KLHL4: variants seen among roughly 807,000 people sequenced by gnomAD.
The protein encoded by KLHL4 is kelch-like protein 4.
Under a neutral mutation model 45.8 loss-of-function variants are expected in KLHL4, and 17 were observed. The ratio of observed to expected loss-of-function variants is 0.37; its 90% CI spans 0.25 to 0.56. KLHL4 has a LOEUF of 0.56. Among genes scored for constraint, KLHL4 ranks in the 20% least tolerant of loss-of-function variants. KLHL4 has a pLI of 0.79. For synonymous variants in KLHL4, 224 were observed against 189.9 expected, an observed-to-expected ratio of 1.18 and a Z score of -1.47; for missense variants, 544 against 544.9, an observed-to-expected ratio of 1.00 and a Z score of 0.02.
At chrX:87,656,485 C>A (rs1425119407) in intron 9 of KLHL4, among the ~76,000 whole-genome samples, 1 of 108,161 alleles carries the variant, frequency 9.2e-6, no homozygotes, top group African/African-American at 3.4e-5. Context: ...TTGAAGATTT[C>A]ATCTGTATTT....
At chrX:87,577,108 A>G in intron 1 of KLHL4, among the ~76,000 whole-genome samples, 1 of 111,922 alleles carries the variant, frequency 8.9e-6, no homozygotes, top group South Asian at 3.7e-4. Context: ...TTTTGCCACT[A>G]AGTAAGCTAC....
chrX:87,560,891 C>A (rs757703968), intron 1 of KLHL4, among the ~76,000 whole-genome samples: 1 of 111,288 alleles, frequency 9.0e-6, no homozygotes, highest in African/African-American at 3.3e-5. Flanking sequence ...AATAGTGCTA[C>A]AATAAACATG....
intron 1 of KLHL4, among the ~76,000 whole-genome samples, chrX:87,526,281 T>A (rs934302218): frequency 8.9e-6 from 1 of 112,258 alleles, no homozygotes; most frequent in African/African-American, 3.2e-5. Flanking sequence ...TTGTTTAAGA[T>A]GTTGGTTTTC....
rs1264525281 is a variant in KLHL4, at chrX:87,549,885, T to G, written c.422+31570T>G. ...AACTAGGAAAGAAAAGAAAACCAAA[T>G]CCAAAATTATTAGAAAAAAATAATA... On this transcript the variant is annotated intron_variant, in intron 1 of 10. Coordinates refer to ENST00000373119, the MANE Select transcript of KLHL4 (RefSeq NM_019117.5). 4.6e-5 allele frequency among the ~76,000 whole-genome samples: 5 copies of G among 109,444 alleles called. No individual in the cohort carries two copies. In the East Asian group the frequency reaches 8.7e-4, roughly 19 times the overall value.
intron 1 of KLHL4, among the ~76,000 whole-genome samples, chrX:87,544,457 A>G (rs1213724866): frequency 9.0e-6 from 1 of 111,688 alleles, no homozygotes; most frequent in Non-Finnish European, 1.9e-5. Context: ...CCTTGAAAGA[A>G]CACAGGCAGT....
intron 1 of KLHL4, among the ~76,000 whole-genome samples, chrX:87,563,381 A>C (rs999786935): frequency 9.1e-6 from 1 of 110,136 alleles, no homozygotes; most frequent in Non-Finnish European, 1.9e-5. Context: ...TGAAATGGTC[A>C]ATGAAATTCA....
chrX:87,635,548 T>G lies in KLHL4; in HGVS notation c.1713-15T>G, dbSNP rs767052900. 3.4e-6 allele frequency: 4 copies of G among 1,176,944 alleles called. No individual in the cohort carries two copies. The African/African-American group carries it at 7.1e-5, about 21-fold the overall frequency. On this transcript the variant is annotated splice_polypyrimidine_tract_variant and intron_variant, in intron 8 of 10. Coordinates refer to ENST00000373119, the MANE Select transcript of KLHL4 (RefSeq NM_019117.5). ...ACACACATATACATACACACAATTC[T>G]GTCTTTTTATCTAGATTATATGCTA...
At chrX:87,580,327 G>GAAAAA (rs368064169) in intron 1 of KLHL4, among the ~76,000 whole-genome samples, 3 of 96,412 alleles carry the variant, frequency 3.1e-5, no homozygotes, top group African/African-American at 1.1e-4. Flanking sequence ...TTGCAAGACA[G>GAAAAA]AAAAAAAAAA....
At chrX:87,566,686 A>T (rs1932218715) in intron 1 of KLHL4, among the ~76,000 whole-genome samples, 1 of 111,895 alleles carries the variant, frequency 8.9e-6, no homozygotes, top group South Asian at 3.7e-4. Flanking sequence ...TTTAAGTGAG[A>T]ACGTCTGTAC....
chrX:87,636,386 C>T (rs1923263832), intron 9 of KLHL4, among the ~76,000 whole-genome samples: 1 of 111,880 alleles, frequency 8.9e-6, no homozygotes, highest in Non-Finnish European at 1.9e-5. Context: ...GCAGCTCCCA[C>T]TCATATAGAC....
At chrX:87,642,663 G>A (rs1449679389) in intron 9 of KLHL4, among the ~76,000 whole-genome samples, 3 of 112,294 alleles carry the variant, frequency 2.7e-5, no homozygotes, top group Admixed American at 9.4e-5. Context: ...TACAAGAAGT[G>A]AAGGGAGAAA....
At chrX:87,628,044 T>A (rs1401417671) in intron 6 of KLHL4, among the ~76,000 whole-genome samples, 1 of 111,649 alleles carries the variant, frequency 9.0e-6, no homozygotes, top group Non-Finnish European at 1.9e-5. Context: ...CATGAGACAC[T>A]TTGAATTCCT....
chrX:87,519,054 C>T (rs1263629028), intron 1 of KLHL4, among the ~76,000 whole-genome samples: 1 of 111,351 alleles, frequency 9.0e-6, no homozygotes, highest in African/African-American at 3.3e-5. Context: ...TTATGCCCAC[C>T]GGTATTGTTT....
At position 87,518,140 on chromosome X, in the gene KLHL4, G is replaced by A; in HGVS notation, c.247G>A (p.Ala83Thr). ...GGCACCAGTGCCAGGACCGGCCCCT[G>A]CCCATCAGAGAGCCGTTCAGAATTT... ...ILAPVPGPAPAHQRAVQNLQQ... is the reference protein window; with the variant it reads ...ILAPVPGPAPTHQRAVQNLQQ... The change falls in exon 1 of 11, where the codon GCC becomes ACC. Residue 83 changes from alanine to threonine, a missense_variant. Ala to Thr is a moderately conservative substitution (Grantham distance 58). Coordinates refer to ENST00000373119, the MANE Select transcript of KLHL4 (RefSeq NM_019117.5). The A allele has an allele frequency of 1.7e-6, 2 of 1,211,857 alleles. No homozygotes were observed. Among genetic ancestry groups the A allele is most frequent in the Middle Eastern group, 2.3e-4 (1 of 4,347 alleles).
intron 1 of KLHL4, among the ~76,000 whole-genome samples, chrX:87,597,565 G>A (rs1308438669): frequency 9.0e-6 from 1 of 111,549 alleles, no homozygotes; most frequent in African/African-American, 3.3e-5. Context: ...AATAAATTAT[G>A]ATAAGTTTTA....
At chrX:87,543,992 G>A (rs1178740950) in intron 1 of KLHL4, among the ~76,000 whole-genome samples, 1 of 110,865 alleles carries the variant, frequency 9.0e-6, no homozygotes, top group African/African-American at 3.3e-5. Context: ...AGCAGGGGAG[G>A]GAGGGTGAAA....
intron 8 of KLHL4, 65 bp downstream of exon 8, chrX:87,633,976 T>G: frequency 1.1e-6 from 1 of 918,824 alleles, no homozygotes; most frequent in South Asian, 3.2e-5. Flanking sequence ...TTCGGTGACA[T>G]GATCCATCCA....
intron 1 of KLHL4, among the ~76,000 whole-genome samples, chrX:87,582,019 A>G (rs1319699685): frequency 8.9e-6 from 1 of 112,048 alleles, no homozygotes; most frequent in Non-Finnish European, 1.9e-5. Context: ...GATCATAACC[A>G]ACCTGATAGA....
At chrX:87,664,056 T>C (rs1352529246) in intron 9 of KLHL4, among the ~76,000 whole-genome samples, 1 of 112,227 alleles carries the variant, frequency 8.9e-6, no homozygotes, top group East Asian at 2.8e-4. Context: ...TTTAGTGTTA[T>C]ATATTTTTAA....
Sources: gnomAD v4.1 joint callset for allele counts (sites outside exome capture counted in the v4.1 genomes callset) on GRCh38, gnomAD v4.1.1 for gene constraint, MANE v1.5 for transcripts, NCBI Gene and HGNC (gene_info 2026-07-23, HGNC 2026-07-21) for gene names.